Variants in HOXC4 observed in about 807,000 individuals in gnomAD.
The protein encoded by HOXC4 is homeobox protein Hox-C4.
In HOXC4, 15 loss-of-function variants were observed where a neutral mutation model predicts 25.5. The ratio of observed to expected loss-of-function variants is 0.59; its 90% CI spans 0.39 to 0.91. HOXC4 has a LOEUF of 0.91. HOXC4 is among the 40% of genes least tolerant of loss of function. HOXC4 has a pLI of 0.00. For synonymous variants in HOXC4, 165 were observed against 148.0 expected, an observed-to-expected ratio of 1.11 and a Z score of -0.83; for missense variants, 342 against 352.4, an observed-to-expected ratio of 0.97 and a Z score of 0.24.
Position 54,054,133 on chromosome 12 carries a change from A to G in HOXC4, c.211A>G (p.Ser71Gly). The G allele has an allele frequency of 6.2e-7, 1 of 1,613,884 alleles. No individual in the cohort carries two copies. Among genetic ancestry groups the G allele is most frequent in the East Asian group, 2.2e-5 (1 of 44,862 alleles). The change falls in exon 1 of 2, where the codon AGT becomes GGT. Residue 71 changes from serine (S) to glycine (G), a missense_variant. By Grantham distance (56) the Ser-to-Gly change is moderately conservative (BLOSUM62 0). Transcript: ENST00000430889. ...CCCTGAGCGCCAGTATAGCTGCACC[A>G]GTCTCCAGGGGCCCGGCAATTCGCG... is the stretch of plus-strand genomic sequence containing the variant. Reference protein sequence around the residue: ...SYPERQYSCTSLQGPGNSRGH... With the variant: ...SYPERQYSCTGLQGPGNSRGH...
At chr12:54,037,154 C>T (rs563899122) in intron 1 of HOXC4, among the ~76,000 whole-genome samples, 2 of 152,334 alleles carry the variant, frequency 1.3e-5, no homozygotes, top group African/African-American at 2.4e-5. Flanking sequence ...TCTGCAGCAT[C>T]GTCGGGAGTC....
intron 1 of HOXC4, among the ~76,000 whole-genome samples, chr12:54,024,173 G>A (rs959102426): frequency 3.3e-5 from 5 of 152,150 alleles, no homozygotes; most frequent in African/African-American, 4.8e-5. Flanking sequence ...TTTAGCCCTC[G>A]CCCAGTGGCA....
chr12:54,052,192 G>T (rs1339328707), upstream of HOXC4, among the ~76,000 whole-genome samples: 1 of 152,182 alleles, frequency 6.6e-6, no homozygotes, highest in Non-Finnish European at 1.5e-5. Flanking sequence ...TTCGTGGAAA[G>T]GAGGGAGCAG....
At chr12:54,022,408 T>G (rs1180944125) in intron 1 of HOXC4, 1 of 152,190 alleles carries the variant, frequency 6.6e-6, no homozygotes, top group African/African-American at 2.4e-5. Flanking sequence ...TAGAGTCAGA[T>G]AGTTGGCTTT....
At chr12:54,025,931 G>T (rs1163700798) in intron 1 of HOXC4, among the ~76,000 whole-genome samples, 1 of 151,886 alleles carries the variant, frequency 6.6e-6, no homozygotes, top group East Asian at 1.9e-4. Flanking sequence ...TTCTTCCAAG[G>T]TCCTTCCCTC....
intron 1 of HOXC4, chr12:54,028,326 A>G: frequency 1.8e-6 from 1 of 549,172 alleles, no homozygotes; most frequent in East Asian, 2.9e-5. Flanking sequence ...CAACTAGGGA[A>G]TCAACAGAAG....
At chr12:54,041,977 C>CTT (rs796328359) in intron 1 of HOXC4, among the ~76,000 whole-genome samples, 1,860 of 116,668 alleles carry the variant, frequency 0.016, 40 homozygotes, top group East Asian at 0.04. Context: ...CTTTTCTTTT[C>CTT]TTTTTTTTTT....
rs145731630 is a variant in HOXC4 at position 54,028,695 on chromosome 12, G to A, written c.-124+11281G>A. 7,537 of 1,614,070 alleles carry A rather than the reference G, an allele frequency of 4.7e-3. 21 individuals are homozygous for A. Among genetic ancestry groups the A allele is most frequent in the Non-Finnish European group, 5.4e-3 (6,426 of 1,180,004 alleles). Reference sequence around the variant, plus strand: ...ACTCGACTCCCTTTTATTCGCCACAGGAGAATGTCGTGTTCAGTTCCAGCC... The same window carrying A: ...ACTCGACTCCCTTTTATTCGCCACAAGAGAATGTCGTGTTCAGTTCCAGCC... On this transcript the variant is annotated intron_variant, in intron 1 of 3. Coordinates refer to the HOXC4 transcript ENST00000303406.
At chr12:54,033,538 A>G (rs1224525371) in intron 1 of HOXC4, 1 of 1,598,350 alleles carries the variant, frequency 6.3e-7, no homozygotes. Context: ...GCCCCGCCAC[A>G]GATTTACCCG....
At chr12:54,047,661 C>T (rs981954708) in intron 1 of HOXC4, 1 of 152,458 alleles carries the variant, frequency 6.6e-6, no homozygotes, top group African/African-American at 2.4e-5. Flanking sequence ...AGGTGCAGGC[C>T]GAGGCTGGCG....
chr12:54,033,566 C>T, intron 1 of HOXC4: 1 of 1,585,162 alleles, frequency 6.3e-7, no homozygotes, highest in Non-Finnish European at 8.5e-7. Flanking sequence ...CCAAACTGCA[C>T]ATGAGCCACG....
chr12:54,033,703 T>C (rs1189687368), intron 1 of HOXC4: 27 of 811,286 alleles, frequency 3.3e-5, no homozygotes, highest in Non-Finnish European at 4.7e-5. Flanking sequence ...CTCGTAAAAC[T>C]GTCCACTAAA....
chr12:54,017,527 G>A (rs529399979), intron 1 of HOXC4: 1 of 152,176 alleles, frequency 6.6e-6, no homozygotes, highest in African/African-American at 2.4e-5. Context: ...GCGAGAGGGT[G>A]GGCGCGTAGT....
chr12:54,052,578 G>T (rs562275110), upstream of HOXC4, among the ~76,000 whole-genome samples: 5 of 150,890 alleles, frequency 3.3e-5, no homozygotes, highest in Admixed American at 6.6e-5. Flanking sequence ...CTGGGGGGGG[G>T]GGGTGGTGGT....
chr12:54,023,535 A>G (rs1940542176), intron 1 of HOXC4, among the ~76,000 whole-genome samples: 1 of 152,204 alleles, frequency 6.6e-6, no homozygotes, highest in Non-Finnish European at 1.5e-5. Flanking sequence ...AGCTCAAAAG[A>G]GGAATCACCA....
At chr12:54,022,190 C>T (rs1311716815) in intron 1 of HOXC4, 1 of 152,170 alleles carries the variant, frequency 6.6e-6, no homozygotes, top group Non-Finnish European at 1.5e-5. Context: ...TACCCCACTC[C>T]TTTCTGCAGG....
At chr12:54,034,659 C>A (rs2136450429) in intron 1 of HOXC4, 2 of 614,020 alleles carry the variant, frequency 3.3e-6, no homozygotes, top group South Asian at 2.0e-5. Context: ...GCATCCCTAC[C>A]GACCCAGGGT....
intron 1 of HOXC4, among the ~76,000 whole-genome samples, chr12:54,037,375 CAG>C (rs1941203017): frequency 6.6e-6 from 1 of 152,106 alleles, no homozygotes; most frequent in Non-Finnish European, 1.5e-5. Flanking sequence ...GGGTTGCAAG[CAG>C]AGACTATGGA....
intron 1 of HOXC4, among the ~76,000 whole-genome samples, chr12:54,022,895 G>A (rs1940510999): frequency 6.6e-6 from 1 of 152,200 alleles, no homozygotes; most frequent in Non-Finnish European, 1.5e-5. Context: ...CCAGGAGGCT[G>A]GGGATCCTTT....
Sources: allele counts gnomAD v4.1 joint callset (sites outside exome capture counted in the v4.1 genomes callset), GRCh38; gene constraint gnomAD v4.1.1; transcripts MANE v1.5; gene names NCBI Gene and HGNC (gene_info 2026-07-23, HGNC 2026-07-21).